Variants in BRF1 observed in about 807,000 individuals in gnomAD.
BRF1 encodes the protein BRF1 general transcription factor IIIB subunit, also known as transcription factor IIIB 90 kDa subunit.
BRF1 carries 59 observed loss-of-function variants against 81.7 expected under a neutral mutation model. The ratio of observed to expected loss-of-function variants is 0.72; its 90% CI spans 0.59 to 0.90. The LOEUF is 0.90. Ranked by LOEUF, BRF1 falls within the 40% of genes least tolerant of loss-of-function variation. The pLI is 0.00. For synonymous variants in BRF1, 491 were observed against 395.6 expected (o/e 1.24, Z -2.86); for missense variants, 1,050 against 936.3 (o/e 1.12, Z -1.58).
intron 1 of BRF1, among the ~76,000 whole-genome samples, chr14:105,287,319 G>T (rs1258381005): frequency 6.6e-6 from 1 of 152,198 alleles, no homozygotes; most frequent in African/African-American, 2.4e-5. Context: ...TTGTTCACCA[G>T]GTTCACCAAC....
intron 14 of BRF1, 96 bp from the exon 15 acceptor site, chr14:105,217,896 G>A: frequency 6.5e-7 from 1 of 1,539,358 alleles, no homozygotes; most frequent in Non-Finnish European, 8.7e-7. Context: ...AGGCGGGTGA[G>A]GCCTGGCTCA....
intron 1 of BRF1, among the ~76,000 whole-genome samples, chr14:105,296,323 G>C (rs899463239): frequency 6.6e-6 from 1 of 152,022 alleles, no homozygotes; most frequent in African/African-American, 2.4e-5. Flanking sequence ...AGGAGATTGA[G>C]ACCATCCATG....
rs1056506226 is a variant in BRF1 at position 105,252,571 on chromosome 14, C to T, written c.480G>A (p.Val160=). Residue 160 remains valine (V), a synonymous_variant, in exon 5 of 18, where the codon GTG becomes GTA. Coordinates refer to ENST00000547530, the MANE Select transcript of BRF1 (RefSeq NM_001519.4). ...GAAGAAACGTCTTTCCAAGCACGTA[C>T]ACATTCACCTGAGATGGAGAGATCA... is the stretch of plus-strand genomic sequence containing the variant. ...LDLSDLLQVN[V]YVLGKTFLLL... The T allele has an allele frequency of 1.9e-6, 3 of 1,613,626 alleles. No homozygotes were observed. Among genetic ancestry groups the T allele is most frequent in the Admixed American group, 3.3e-5 (2 of 59,920 alleles).
rs142679817 is a variant in BRF1 at position 105,309,076 on chromosome 14, T to C, written c.-162+6246A>G. Among the ~76,000 whole-genome samples the C allele has an allele frequency of 5.3e-5, 8 of 152,340 alleles. No individual in the cohort carries two copies. The East Asian group carries it at 1.2e-3, about 22-fold the overall frequency. ...AGGTTGAGTGTTGGTTGACACGTGT[T>C]GCGGTAATTGCTGTTCTGATGTCTG... On this transcript the variant is annotated intron_variant, in intron 1 of 17. Coordinates refer to the BRF1 transcript ENST00000327359. This position sits in a 1 kb window ranked among gnomAD's most constrained non-coding sequence, Gnocchi z 4.0.
chr14:105,229,253 G>A (rs587750944), intron 6 of BRF1, among the ~76,000 whole-genome samples: 68 of 152,352 alleles, frequency 4.5e-4, no homozygotes, highest in African/African-American at 1.6e-3. Context: ...GGACTCTGAG[G>A]ATGCGGAGCC....
intron 15 of BRF1, among the ~76,000 whole-genome samples, chr14:105,215,419 C>T (rs1166740248): frequency 2.0e-5 from 3 of 151,980 alleles, no homozygotes; most frequent in Admixed American, 2.0e-4. Context: ...CATGCACACA[C>T]ACTATGTGCA....
At chr14:105,221,974 CA>C in intron 10 of BRF1, 60 bp from the exon 11 acceptor site, 1 of 1,495,584 alleles carries the variant, frequency 6.7e-7, no homozygotes. Flanking sequence ...GCTTTTGTGA[CA>C]AAAAACAATG....
chr14:105,224,889 C>T (rs756669462), intron 10 of BRF1, among the ~76,000 whole-genome samples: 1 of 152,208 alleles, frequency 6.6e-6, no homozygotes, highest in Non-Finnish European at 1.5e-5. Context: ...TGTTCCAATA[C>T]AAGATTCCTG....
intron 8 of BRF1, 71 bp from the exon 9 acceptor site, chr14:105,226,361 C>T (rs925795432): frequency 1.9e-5 from 30 of 1,593,636 alleles, no homozygotes; most frequent in Admixed American, 8.4e-5. Context: ...TGGGGTGCCG[C>T]GTGGGCCCCA....
intron 2 of BRF1, among the ~76,000 whole-genome samples, chr14:105,277,785 C>T (rs982138607): frequency 3.3e-5 from 5 of 152,160 alleles, no homozygotes; most frequent in African/African-American, 4.8e-5. Flanking sequence ...GATGGAGTCT[C>T]GCTCTGTCAC....
In BRF1 at chr14:105,262,398, G is replaced by A. The variant is rs587712696; in HGVS notation, c.440-5849C>T. On this transcript the variant is annotated intron_variant, in intron 3 of 17. Coordinates refer to ENST00000547530, the MANE Select transcript of BRF1 (RefSeq NM_001519.4). ...AGACCTGCTGGCTGCCCTTTGTCCA[G>A]ATACCTCTGACCTCCAGGGAAGAGC... Among the ~76,000 whole-genome samples the A allele has an allele frequency of 9.2e-5, 14 of 152,332 alleles. No homozygotes were observed. In the East Asian group the frequency reaches 2.7e-3, roughly 29 times the overall value.
intron 2 of BRF1, among the ~76,000 whole-genome samples, chr14:105,280,521 G>C (rs980038693): frequency 7.2e-5 from 11 of 152,260 alleles, no homozygotes; most frequent in South Asian, 2.1e-4. Flanking sequence ...TGTGGTGGAA[G>C]CTGCGTGATC....
In BRF1 at chr14:105,210,531, AC is replaced by A; in HGVS notation, c.*19del. Reference sequence around the variant, plus strand: ...CCGCGAGGCCCCCTGCCAGGACATCACCTGCCTGGAGGCCACACTTCAGTAG... The same window carrying A: ...CCGCGAGGCCCCCTGCCAGGACATCACTGCCTGGAGGCCACACTTCAGTAG... On this transcript the variant is annotated 3_prime_UTR_variant, in exon 18 of 18. Transcript: ENST00000547530. This position sits in a 1 kb window ranked among gnomAD's most constrained non-coding sequence, Gnocchi z 4.7. 1 of 1,609,664 alleles carries A rather than the reference AC, an allele frequency of 6.2e-7. No homozygotes were observed. Among genetic ancestry groups the A allele is most frequent in the Non-Finnish European group, 8.5e-7 (1 of 1,179,666 alleles).
intron 3 of BRF1, among the ~76,000 whole-genome samples, chr14:105,267,127 T>C (rs999666664): frequency 6.6e-6 from 1 of 152,118 alleles, no homozygotes; most frequent in Non-Finnish European, 1.5e-5. Context: ...ACTCCAAAAC[T>C]CAAACAGTAA....
intron 1 of BRF1, among the ~76,000 whole-genome samples, chr14:105,287,429 G>A (rs1029809041): frequency 5.3e-5 from 8 of 152,304 alleles, no homozygotes; most frequent in African/African-American, 1.9e-4. Flanking sequence ...GCCCCGCAGC[G>A]TCGGCCCTCA....
intron 1 of BRF1, among the ~76,000 whole-genome samples, chr14:105,287,598 G>A (rs1254372865): frequency 1.3e-5 from 2 of 152,170 alleles, no homozygotes; most frequent in Non-Finnish European, 2.9e-5. Flanking sequence ...GAAGCAGAAA[G>A]CCAATCGCTG....
upstream of BRF1, among the ~76,000 whole-genome samples, chr14:105,305,982 C>T (rs1282097305): frequency 6.6e-6 from 1 of 152,248 alleles, no homozygotes; most frequent in African/African-American, 2.4e-5. Flanking sequence ...GTGGGCTTGC[C>T]CCTAGACCTG....
chr14:105,212,032 T>C (rs1490949289), intron 16 of BRF1, 81 bp downstream of exon 16: 2 of 1,561,780 alleles, frequency 1.3e-6, no homozygotes, highest in African/African-American at 2.7e-5. Flanking sequence ...CTCCCTGTGG[T>C]CACAGACCAA....
At chr14:105,222,081 G>C (rs891448798) in intron 10 of BRF1, 167 bp from the exon 11 acceptor site, 5 of 755,938 alleles carry the variant, frequency 6.6e-6, no homozygotes, top group Non-Finnish European at 1.0e-5. Context: ...ACCTCGCACT[G>C]CACGCGGAAG....
Sources: allele counts gnomAD v4.1 joint callset (sites outside exome capture counted in the v4.1 genomes callset), GRCh38; gene constraint gnomAD v4.1.1; non-coding constraint Gnocchi (gnomAD v3.1); transcripts MANE v1.5; gene names NCBI Gene and HGNC (gene_info 2026-07-23, HGNC 2026-07-21).